The following TLK1 variants were observed in gnomAD, a reference collection of about 807,000 sequenced individuals.
TLK1 encodes the protein tousled like kinase 1.
TLK1 carries 24 observed loss-of-function variants against 105.3 expected under a neutral mutation model. The ratio of observed to expected loss-of-function variants is 0.23; its 90% CI spans 0.17 to 0.32. The LOEUF (loss-of-function observed/expected upper bound fraction) is 0.32, where lower values mean the gene tolerates loss of function less well. Ranked by LOEUF, TLK1 falls within the 10% of genes least tolerant of loss-of-function variation. The pLI is 1.00. For missense variants in TLK1, 558 were observed against 910.5 expected (o/e 0.61, Z 4.98); for synonymous variants, 321 against 310.4 (o/e 1.03, Z -0.36).
chr2:171,009,079 A>G (rs1385952319), intron 14 of TLK1, among the ~76,000 whole-genome samples: 3 of 152,200 alleles, frequency 2.0e-5, no homozygotes, highest in Non-Finnish European at 2.9e-5. Flanking sequence ...AGAAACAGGA[A>G]TTGGAAGAGA....
At chr2:171,059,783 T>A (rs1687661178) in intron 4 of TLK1, 1 of 629,558 alleles carries the variant, frequency 1.6e-6, no homozygotes. Context: ...AGGCATTAGA[T>A]TCTCATAAGG....
At chr2:171,194,689 C>T (rs1436316100) in intron 1 of TLK1, among the ~76,000 whole-genome samples, 5 of 149,044 alleles carry the variant, frequency 3.4e-5, no homozygotes, top group African/African-American at 1.0e-4. Flanking sequence ...TGGTAGCGGG[C>T]GCCTGTAGTC....
chr2:171,197,305 A>G (rs1471794747), intron 1 of TLK1, among the ~76,000 whole-genome samples: 2 of 152,242 alleles, frequency 1.3e-5, no homozygotes, highest in East Asian at 1.9e-4. Context: ...AGAAAAAAGC[A>G]TTTGAGGAAA....
chr2:171,100,567 G>A (rs1203322214), intron 2 of TLK1, among the ~76,000 whole-genome samples: 1 of 152,132 alleles, frequency 6.6e-6, no homozygotes, highest in South Asian at 2.1e-4. Flanking sequence ...AGCCTGCAGA[G>A]CCAAGAGCTA....
chr2:171,086,279 C>A (rs1459446338), intron 2 of TLK1, among the ~76,000 whole-genome samples: 1 of 152,108 alleles, frequency 6.6e-6, no homozygotes, highest in Non-Finnish European at 1.5e-5. Flanking sequence ...TTTAAAAAAG[C>A]CACTACCTGA....
chr2:171,068,716 C>G (rs1002731330), intron 3 of TLK1, among the ~76,000 whole-genome samples: 1 of 152,058 alleles, frequency 6.6e-6, no homozygotes, highest in Admixed American at 6.5e-5. Context: ...TAAAATAGTA[C>G]GTTGTATAGT....
intron 1 of TLK1, among the ~76,000 whole-genome samples, chr2:171,203,119 T>G (rs1693434530): frequency 6.6e-6 from 1 of 152,198 alleles, no homozygotes; most frequent in African/African-American, 2.4e-5. Flanking sequence ...AATGTAATTT[T>G]AGGAGAAATA....
At chr2:171,087,165 T>C (rs1029290635) in intron 2 of TLK1, among the ~76,000 whole-genome samples, 1 of 152,104 alleles carries the variant, frequency 6.6e-6, no homozygotes, top group Admixed American at 6.6e-5. Flanking sequence ...CAAGAAAAAG[T>C]GACCCATACT....
chr2:171,155,956 A>C (rs1005263470), intron 1 of TLK1, among the ~76,000 whole-genome samples: 1 of 152,204 alleles, frequency 6.6e-6, no homozygotes, highest in African/African-American at 2.4e-5. Context: ...AGTTTCTTAA[A>C]TACCTGGAGA....
intron 1 of TLK1, among the ~76,000 whole-genome samples, chr2:171,130,388 C>T (rs955669550): frequency 2.2e-5 from 3 of 137,740 alleles, no homozygotes; most frequent in Admixed American, 2.1e-4. Flanking sequence ...GGCAACAGAG[C>T]AACTCTATCT....
chr2:171,049,929 T>C lies in TLK1; in HGVS notation c.865A>G (p.Ser289Gly). 1 of 1,612,902 alleles carries C rather than the reference T, an allele frequency of 6.2e-7. No individual in the cohort carries two copies. Among genetic ancestry groups the C allele is most frequent in the Non-Finnish European group, 8.5e-7 (1 of 1,179,608 alleles). The change falls in exon 10 of 21, where the codon AGC becomes GGC. Residue 289 changes from serine (S) to glycine (G), a missense_variant. Transcript: ENST00000431350. ...IEKSTQEKLS[S>G]REKSMQDRLR... The stretch of plus-strand genomic sequence containing the variant: ...CGATCTTGCATACTCTTCTCTCTGC[T>C]TGACAGCTTTTCTTGTGTACTCTGA...
chr2:171,179,088 A>C (rs1430089157), intron 1 of TLK1, among the ~76,000 whole-genome samples: 1 of 152,162 alleles, frequency 6.6e-6, no homozygotes, highest in Non-Finnish European at 1.5e-5. Context: ...AATGGACCTT[A>C]TATTCCATGT....
intron 1 of TLK1, among the ~76,000 whole-genome samples, chr2:171,187,057 CAAAAAAAA>C (rs71013019): frequency 8.8e-4 from 30 of 34,054 alleles, no homozygotes; most frequent in African/African-American, 3.7e-3. Context: ...GACTCTGTCT[CAAAAAAAA>C]AAAAAAAAAA....
Position 170,993,750 on chromosome 2 carries a change from C to T in TLK1, c.*30G>A. 7.0e-7 allele frequency: 1 copy of T among 1,431,012 alleles called. No homozygotes were observed. The allele number at this position is 1,431,012 out of a possible 1,614,324, so 88.6% of individuals were successfully genotyped here. On this transcript the variant is annotated 3_prime_UTR_variant, in exon 21 of 21. Transcript: ENST00000431350. ...TTAAGTGTGCATCTGGAAGCAAATT[C>T]AAAGATATCATGCCAATCTTGGAGG...
upstream of TLK1, among the ~76,000 whole-genome samples, chr2:171,165,775 G>C (rs574880504): frequency 6.6e-6 from 1 of 152,170 alleles, no homozygotes; most frequent in Non-Finnish European, 1.5e-5. Flanking sequence ...GCCAGGCATG[G>C]TGGCGCACAC....
intron 1 of TLK1, among the ~76,000 whole-genome samples, chr2:171,207,613 T>G (rs960709937): frequency 4.6e-5 from 7 of 152,168 alleles, no homozygotes; most frequent in Admixed American, 1.3e-4. Context: ...TGGGCATGTT[T>G]GGAGATGGGG....
intron 1 of TLK1, among the ~76,000 whole-genome samples, chr2:171,186,378 T>G (rs1693024856): frequency 6.6e-6 from 1 of 152,172 alleles, no homozygotes; most frequent in Non-Finnish European, 1.5e-5. Context: ...GTCAGGGAGA[T>G]GAGACAGTCC....
At chr2:171,187,504 T>G (rs1290404915) in intron 1 of TLK1, among the ~76,000 whole-genome samples, 1 of 152,222 alleles carries the variant, frequency 6.6e-6, no homozygotes, top group East Asian at 1.9e-4. Context: ...CTCTAGCTAT[T>G]AATGAGCACT....
intron 12 of TLK1, among the ~76,000 whole-genome samples, chr2:171,016,972 A>T (rs1685242467): frequency 6.6e-6 from 1 of 152,210 alleles, no homozygotes; most frequent in African/African-American, 2.4e-5. Context: ...TACACTACAT[A>T]GATTCTCTTA....
Sources: allele counts gnomAD v4.1 joint callset (sites outside exome capture counted in the v4.1 genomes callset), GRCh38; gene constraint gnomAD v4.1.1; transcripts MANE v1.5; gene names NCBI Gene and HGNC (gene_info 2026-07-23, HGNC 2026-07-21).